Variants in PHF24 observed in about 807,000 individuals in gnomAD.
The protein encoded by PHF24 is Galpha inhibitory interacting protein.
A neutral mutation model predicts 42.6 loss-of-function variants in PHF24; 25 were observed. The ratio of observed to expected loss-of-function variants is 0.59; its 90% confidence interval spans 0.43 to 0.82. The LOEUF (loss-of-function observed/expected upper bound fraction) is 0.82, where lower values mean the gene tolerates loss of function less well. Among genes scored for constraint, PHF24 ranks in the 40% least tolerant of loss-of-function variants. PHF24 has a pLI of 0.00. For synonymous variants in PHF24, 185 were observed against 204.8 expected, an observed-to-expected ratio of 0.90 and a Z score of 0.83; for missense variants, 470 against 538.1, an observed-to-expected ratio of 0.87 and a Z score of 1.25.
At chr9:34,758,922 A>C in the PHF24 span, among the ~76,000 whole-genome samples, 1 of 151,988 alleles carries the variant, frequency 6.6e-6, no homozygotes, top group Non-Finnish European at 1.5e-5. This position sits in a 1 kb window ranked among gnomAD's most constrained non-coding sequence, Gnocchi z 4.4. Context: ...GGCTAACCCA[A>C]TCTGGCGAGG....
the PHF24 span, among the ~76,000 whole-genome samples, chr9:34,845,452 T>C: frequency 6.6e-6 from 1 of 152,190 alleles, no homozygotes; most frequent in Non-Finnish European, 1.5e-5. Context: ...TTTTCTCTAG[T>C]GGTATGCTTT....
the PHF24 span, among the ~76,000 whole-genome samples, chr9:34,946,845 C>T: frequency 6.6e-6 from 1 of 152,084 alleles, no homozygotes; most frequent in Non-Finnish European, 1.5e-5. Flanking sequence ...GAAAAATCAT[C>T]AGAAATTTGT....
At chr9:34,695,098 G>T in the PHF24 span, among the ~76,000 whole-genome samples, 2 of 152,200 alleles carry the variant, frequency 1.3e-5, no homozygotes, top group Non-Finnish European at 2.9e-5. Flanking sequence ...CAGCCACATG[G>T]TTAGAGAGTT....
chr9:34,785,335 T>C, the PHF24 span, among the ~76,000 whole-genome samples: 3 of 152,238 alleles, frequency 2.0e-5, no homozygotes, highest in Admixed American at 2.0e-4. Flanking sequence ...CCTTCATGAC[T>C]TAATCACTTC....
chr9:34,829,050 G>T, the PHF24 span, among the ~76,000 whole-genome samples: 1 of 152,050 alleles, frequency 6.6e-6, no homozygotes, highest in Non-Finnish European at 1.5e-5. Flanking sequence ...AATGGGGGAC[G>T]TTATGATGCT....
chr9:34,667,555 TGGTTCCCCAGGCCAG>T, the PHF24 span, among the ~76,000 whole-genome samples: 2 of 152,202 alleles, frequency 1.3e-5, no homozygotes, highest in African/African-American at 4.8e-5. Context: ...TTCTGGTCCT[TGGTTCCCCAGGCCAG>T]GGCTGTCTCT....
exon 2 of PHF24, chr9:34,971,578 G>A: frequency 6.2e-7 from 1 of 1,614,118 alleles, no homozygotes; most frequent in South Asian, 1.1e-5. Context: ...TGAGGAGTTT[G>A]ACAGGACAAG....
chr9:34,729,530 A>C, the PHF24 span: 1 of 1,291,732 alleles, frequency 7.7e-7, no homozygotes, highest in African/African-American at 1.5e-5. Flanking sequence ...TGTCCACCTC[A>C]CAGAGGACGG....
intron 1 of PHF24, among the ~76,000 whole-genome samples, chr9:34,971,029 T>A (rs931810107): frequency 6.6e-6 from 1 of 152,062 alleles, no homozygotes; most frequent in Non-Finnish European, 1.5e-5. Flanking sequence ...ACCAAGGGAA[T>A]CACTAAAGCC....
At chr9:34,976,465 C>T (rs1294534553) in intron 4 of PHF24, 70 bp from the exon 5 acceptor site, 2 of 1,527,654 alleles carry the variant, frequency 1.3e-6, no homozygotes, top group East Asian at 2.3e-5. Context: ...CCGAGGGTGC[C>T]CTGGAGGTGA....
At chr9:34,769,143 A>C in the PHF24 span, among the ~76,000 whole-genome samples, 1 of 152,126 alleles carries the variant, frequency 6.6e-6, no homozygotes, top group Non-Finnish European at 1.5e-5. Context: ...TGGAGACAGA[A>C]TCTTGCTCTG....
the PHF24 span, among the ~76,000 whole-genome samples, chr9:34,804,975 T>C: frequency 6.6e-6 from 1 of 152,238 alleles, no homozygotes; most frequent in East Asian, 1.9e-4. Flanking sequence ...ATACTATCTA[T>C]TGTGATTGGT....
At chr9:34,973,937 T>C (rs994501841) in intron 3 of PHF24, among the ~76,000 whole-genome samples, 1 of 152,208 alleles carries the variant, frequency 6.6e-6, no homozygotes, top group Non-Finnish European at 1.5e-5. Context: ...TCCACTGGGC[T>C]TTTTACAGAG....
the PHF24 span, among the ~76,000 whole-genome samples, chr9:34,866,780 T>C: frequency 3.3e-5 from 5 of 152,232 alleles, no homozygotes; most frequent in Non-Finnish European, 7.3e-5. Flanking sequence ...AGCCTGTTGA[T>C]AGCCAGCCTA....
At chr9:34,910,559 CAT>C in the PHF24 span, among the ~76,000 whole-genome samples, 6 of 152,222 alleles carry the variant, frequency 3.9e-5, no homozygotes, top group Admixed American at 1.3e-4. Flanking sequence ...ACATGATAAA[CAT>C]ATATAATTTG....
the PHF24 span, among the ~76,000 whole-genome samples, chr9:34,701,872 A>T: frequency 6.6e-6 from 1 of 152,136 alleles, no homozygotes; most frequent in Admixed American, 6.5e-5. The surrounding 1 kb of genome is among the most constrained non-coding windows in gnomAD (Gnocchi z 5.8). Context: ...CCCACGCCCC[A>T]AATAGTCCCG....
chr9:34,857,696 A>G, the PHF24 span, among the ~76,000 whole-genome samples: 1 of 152,282 alleles, frequency 6.6e-6, no homozygotes, highest in African/African-American at 2.4e-5. Context: ...AGCCATTTTC[A>G]TTGCTCTTTG....
rs1827221891 is a variant in PHF24 at position 34,977,153 on chromosome 9, G to A, written c.920G>A (p.Ser307Asn). The A allele has an allele frequency of 1.9e-6, 3 of 1,613,904 alleles. No homozygotes were observed. In the East Asian group the frequency reaches 6.7e-5, roughly 36 times the overall value. Residue 307 changes from serine to asparagine, a missense_variant, in exon 6 of 8, where the codon AGT becomes AAT. Physicochemically the swap from Ser to Asn is conservative, Grantham distance 46. Transcript: ENST00000242315. Reference sequence around the variant, plus strand: ...CGAGCCGCCTTCCTGGCTCGGGGCAGTGGGAGCACCGTCAGTGAGGCAGAG... The same window carrying A: ...CGAGCCGCCTTCCTGGCTCGGGGCAATGGGAGCACCGTCAGTGAGGCAGAG...
At chr9:34,939,961 G>A in the PHF24 span, among the ~76,000 whole-genome samples, 25 of 151,984 alleles carry the variant, frequency 1.6e-4, no homozygotes, top group South Asian at 2.5e-3. Flanking sequence ...GACAAATACC[G>A]CCACTTTAAG....
Sources: gnomAD v4.1 joint callset for allele counts (sites outside exome capture counted in the v4.1 genomes callset) on GRCh38, gnomAD v4.1.1 for gene constraint, Gnocchi (gnomAD v3.1) non-coding constraint, MANE v1.5 for transcripts, NCBI Gene and HGNC (gene_info 2026-07-23, HGNC 2026-07-21) for gene names.